Variants in LGI1 observed in about 807,000 individuals in gnomAD.
The protein encoded by LGI1 is leucine-rich glioma-inactivated protein 1.
LGI1 carries 11 observed loss-of-function variants against 57.7 expected under a neutral mutation model. That is an observed-to-expected ratio of 0.19 (90% CI 0.12 to 0.32). The LOEUF (loss-of-function observed/expected upper bound fraction) is 0.32. Ranked by LOEUF, LGI1 falls within the 10% of genes least tolerant of loss-of-function variation. The pLI is 1.00. For synonymous variants in LGI1, 222 were observed against 241.9 expected (o/e 0.92, Z 0.76); for missense variants, 422 against 661.9 (o/e 0.64, Z 3.98).
Position 93,758,600 on chromosome 10 carries a change from T to C in LGI1, c.216-160T>C. On this transcript the variant is annotated intron_variant, in intron 1 of 7. Transcript: ENST00000371418. The surrounding 1 kb of genome is among the most constrained non-coding windows in gnomAD (Gnocchi z 4.7). ...ATGAGAAACCTGTAGCCGATTCATT[T>C]CTCTTACTTCATCTGGGAAGGAATA... The C allele has an allele frequency of 1.4e-6, 1 of 696,218 alleles. No individual in the cohort carries two copies. Among genetic ancestry groups the C allele is most frequent in the Non-Finnish European group, 2.5e-6 (1 of 401,614 alleles). The allele number at this position is 696,218 out of a possible 1,614,324, so 43.1% of individuals were successfully genotyped here.
chr10:93,771,034 T>A (rs982983610), intron 2 of LGI1: 12 of 151,804 alleles, frequency 7.9e-5, no homozygotes, highest in Admixed American at 5.2e-4. Flanking sequence ...GATAAAATAA[T>A]AAATTAGAAA....
intron 2 of LGI1, chr10:93,771,556 C>T (rs565259716): frequency 2.0e-5 from 3 of 152,294 alleles, no homozygotes; most frequent in Non-Finnish European, 4.4e-5. Flanking sequence ...TGATGCAATA[C>T]TTAACGAGTG....
chr10:93,789,972 A>G, intron 4 of LGI1, 127 bp from the exon 5 acceptor site: 4 of 934,212 alleles, frequency 4.3e-6, no homozygotes, highest in Non-Finnish European at 4.8e-6. Flanking sequence ...CAGAAGAAAA[A>G]AAAAGGACCA....
intron 7 of LGI1, among the ~76,000 whole-genome samples, chr10:93,796,553 G>A (rs755850488): frequency 1.4e-4 from 21 of 152,200 alleles, no homozygotes; most frequent in Admixed American, 2.0e-4. Context: ...TATCTCTTAA[G>A]ATTGTTGGGA....
At chr10:93,792,364 A>G (rs1346848549) in intron 5 of LGI1, 1 of 216,892 alleles carries the variant, frequency 4.6e-6, no homozygotes, top group East Asian at 1.0e-4. Flanking sequence ...TTTTGTATGT[A>G]TTGGGTTAAA....
At position 93,797,169 on chromosome 10, in the gene LGI1, T is replaced by C. The variant is rs1589775794; in HGVS notation, c.1040T>C (p.Val347Ala). ...TFKIENNWYFVVADSSKAGFT... is the reference protein window; with the variant it reads ...TFKIENNWYFAVADSSKAGFT... The stretch of plus-strand genomic sequence containing the variant: ...AAGATTGAAAACAACTGGTACTTTG[T>C]TGTTGCTGACAGTTCAAAAGCTGGT... The change falls in exon 8 of 8, where the codon GTT (valine) becomes GCT (alanine). Residue 347 changes from valine (V) to alanine (A), a missense_variant. By Grantham distance (64) the Val-to-Ala change is moderately conservative. Transcript: ENST00000371418. This position sits in a 1 kb window ranked among gnomAD's most constrained non-coding sequence, Gnocchi z 6.5. 2.5e-6 allele frequency: 4 copies of C among 1,614,090 alleles called. No individual in the cohort carries two copies. The highest frequency in any genetic ancestry group is 1.7e-5 in the Admixed American group (1 of 60,002).
rs2059591904 is a variant in LGI1, at chr10:93,758,740, TC to T, written c.216-19del. On this transcript the variant is annotated intron_variant, in intron 1 of 7. Transcript: ENST00000371418. The surrounding 1 kb of genome is among the most constrained non-coding windows in gnomAD (Gnocchi z 4.7). The stretch of plus-strand genomic sequence containing the variant: ...TGTGTGTGTCTGTTTGTTTGTTTTC[TC>T]TTTTTTGTTTTCTTTCAGATCCTTT... The T allele has an allele frequency of 6.3e-7, 1 of 1,586,118 alleles. No homozygotes were observed. Among genetic ancestry groups the T allele is most frequent in the African/African-American group, 1.3e-5 (1 of 74,424 alleles).
In LGI1 at chr10:93,797,722, T is replaced by G; in HGVS notation, c.1593T>G (p.Asn531Lys). Residue 531 changes from asparagine (N) to lysine (K), a missense_variant, in exon 8 of 8, where the codon AAT (asparagine) becomes AAG (lysine). Asn to Lys is a moderately conservative substitution (Grantham distance 94). This residue lies in a region of LGI1 where 301 missense variants were observed against 461.7 expected (regional missense o/e 0.65). Coordinates refer to ENST00000371418, the MANE Select transcript of LGI1 (RefSeq NM_005097.4). This position sits in a 1 kb window ranked among gnomAD's most constrained non-coding sequence, Gnocchi z 6.5. ...GATCATTCACACATGTGTCCATTAA[T>G]AAGCGTAATTTTCTTTTTGCTTCCA... ...APRSFTHVSI[N>K]KRNFLFASSF... 6.2e-7 allele frequency: 1 copy of G among 1,612,800 alleles called. No individual in the cohort carries two copies. Among genetic ancestry groups the G allele is most frequent in the Non-Finnish European group, 8.5e-7 (1 of 1,180,012 alleles).
chr10:93,775,040 G>A lies in LGI1; in HGVS notation c.288-2339G>A, dbSNP rs146479379. Among the ~76,000 whole-genome samples the A allele has an allele frequency of 6.6e-4, 100 of 152,212 alleles. 1 individual carries two copies. The highest frequency in any genetic ancestry group is 2.1e-3 in the African/African-American group (88 of 41,538). ...GATTATGGTATTCATTATTATCTTA[G>A]CCAGAGGGTGTTTTTTTAGCTTTTA... On this transcript the variant is annotated intron_variant, in intron 2 of 7. Transcript: ENST00000371418.
At chr10:93,771,391 G>A (rs2059737685) in intron 2 of LGI1, 1 of 152,176 alleles carries the variant, frequency 6.6e-6, no homozygotes, top group South Asian at 2.1e-4. Flanking sequence ...GGATGGGTTG[G>A]AGGCCATTAT....
chr10:93,790,746 G>C (rs2059931085), intron 5 of LGI1: 1 of 152,544 alleles, frequency 6.6e-6, no homozygotes, highest in Non-Finnish European at 1.5e-5. Flanking sequence ...TCAAACAAAA[G>C]AGCTTTCAAA....
chr10:93,766,294 A>G (rs1341070303), intron 2 of LGI1, among the ~76,000 whole-genome samples: 1 of 152,292 alleles, frequency 6.6e-6, no homozygotes, highest in African/African-American at 2.4e-5. Context: ...ATAAATCTTT[A>G]AAAATACAAA....
At position 93,793,255 on chromosome 10, in the gene LGI1, A is replaced by T; in HGVS notation, c.743A>T (p.Glu248Val). 1.9e-6 allele frequency: 3 copies of T among 1,613,108 alleles called. No homozygotes were observed. The highest frequency in any genetic ancestry group is 2.5e-6 in the Non-Finnish European group (3 of 1,179,144). Residue 248 changes from glutamate to valine, a missense_variant, in exon 7 of 8, where the codon GAG becomes GTG. Transcript: ENST00000371418. ...GACACTTTTTCTTATTTGAATGATG[A>T]GTATGTAGTCATCGCTCAGCCTTTT... is the stretch of plus-strand genomic sequence containing the variant. Reference protein sequence around the residue: ...SIDTFSYLNDEYVVIAQPFTG... With the variant: ...SIDTFSYLNDVYVVIAQPFTG...
At chr10:93,787,286 A>G (rs752042731) in intron 4 of LGI1, among the ~76,000 whole-genome samples, 13 of 151,560 alleles carry the variant, frequency 8.6e-5, no homozygotes, top group Non-Finnish European at 1.6e-4. Flanking sequence ...TCCACCCACC[A>G]TTTCTCCCTC....
intron 7 of LGI1, among the ~76,000 whole-genome samples, chr10:93,795,030 T>C (rs1055039224): frequency 6.6e-6 from 1 of 152,094 alleles, no homozygotes; most frequent in African/African-American, 2.4e-5. Context: ...CATGCTTCCT[T>C]AGGCCCCCAT....
In LGI1 at chr10:93,758,432, T is replaced by A; in HGVS notation, c.215+73T>A. 1 of 1,414,848 alleles carries A rather than the reference T, an allele frequency of 7.1e-7. No homozygotes were observed. The highest frequency in any genetic ancestry group is 1.2e-5 in the South Asian group (1 of 86,946). The allele number at this position is 1,414,848 out of a possible 1,614,324, so 87.6% of individuals were successfully genotyped here. On this transcript the variant is annotated intron_variant, in intron 1 of 7. Transcript: ENST00000371418. This position sits in a 1 kb window ranked among gnomAD's most constrained non-coding sequence, Gnocchi z 4.7. ...CAGCCGGTGGATTTGGGGCTTTGCA[T>A]GTATTTGTAGAAGGGCATGGAGAGA...
At chr10:93,761,085 G>A (rs1463903548) in intron 2 of LGI1, among the ~76,000 whole-genome samples, 5 of 152,232 alleles carry the variant, frequency 3.3e-5, no homozygotes, top group South Asian at 4.2e-4. Context: ...ACTCATGTGC[G>A]GTGTGTAGGA....
chr10:93,766,508 A>G (rs867282554), intron 2 of LGI1, among the ~76,000 whole-genome samples: 1 of 20,564 alleles, frequency 4.9e-5, no homozygotes, highest in African/African-American at 3.1e-4. Context: ...CATTTTATAG[A>G]TCTCTTTTTT....
intron 4 of LGI1, among the ~76,000 whole-genome samples, chr10:93,778,562 A>G (rs1237910240): frequency 6.6e-6 from 1 of 152,236 alleles, no homozygotes; most frequent in African/African-American, 2.4e-5. Flanking sequence ...GAAATGAGGA[A>G]ACAGTCTTGG....
Sources: gnomAD v4.1 joint callset for allele counts (sites outside exome capture counted in the v4.1 genomes callset) on GRCh38, gnomAD v4.1.1 for gene constraint, gnomAD v4.1.1 regional missense constraint, Gnocchi (gnomAD v3.1) non-coding constraint, MANE v1.5 for transcripts, NCBI Gene and HGNC (gene_info 2026-07-23, HGNC 2026-07-21) for gene names.